Variants in TLN2 observed in about 807,000 individuals in gnomAD.
TLN2 encodes the protein talin-2.
A neutral mutation model predicts 294.7 loss-of-function variants in TLN2; 118 were observed. That is an observed-to-expected ratio of 0.40 (90% CI 0.34 to 0.47). TLN2 has a LOEUF of 0.47. TLN2 is among the 20% of genes least tolerant of loss of function. The pLI is 0.84. For synonymous variants in TLN2, 1,431 were observed against 1,304.5 expected (o/e 1.10, Z -2.09); for missense variants, 3,083 against 3,282.2 (o/e 0.94, Z 1.48).
chr15:62,662,960 A>T (rs1055762273), intron 9 of TLN2, among the ~76,000 whole-genome samples: 49 of 150,924 alleles, frequency 3.2e-4, no homozygotes, highest in African/African-American at 1.0e-3. Flanking sequence ...AGTAACTGGG[A>T]CTACAGGTGC....
rs184431010 is a variant in TLN2, at chr15:62,423,751, T to C, written c.-238+33066T>C. The stretch of plus-strand genomic sequence containing the variant: ...GCCCGCCACCACACCCAGCTAATTT[T>C]TGTATTTTTGTAGAGACTGGGTTTC... On this transcript the variant is annotated intron_variant, in intron 1 of 58. Transcript: ENST00000636159. Among the ~76,000 whole-genome samples, 155 of 152,220 alleles carry C rather than the reference T, an allele frequency of 1.0e-3. 1 individual carries two copies. Among genetic ancestry groups the C allele is most frequent in the African/African-American group, 3.4e-3 (142 of 41,532 alleles).
At chr15:62,657,437 G>A (rs190098436) in intron 8 of TLN2, among the ~76,000 whole-genome samples, 14 of 152,112 alleles carry the variant, frequency 9.2e-5, no homozygotes, top group Admixed American at 6.5e-4. Flanking sequence ...TTGTCTTTTG[G>A]CCTCTTTGAA....
chr15:62,721,179 A>G (rs1196537264), intron 25 of TLN2, among the ~76,000 whole-genome samples: 2 of 152,246 alleles, frequency 1.3e-5, no homozygotes, highest in Non-Finnish European at 1.5e-5. Flanking sequence ...GAAAATAAAT[A>G]GAAATTGAAT....
At chr15:62,735,611 A>T (rs1236402401) in intron 28 of TLN2, among the ~76,000 whole-genome samples, 1 of 152,244 alleles carries the variant, frequency 6.6e-6, no homozygotes, top group Non-Finnish European at 1.5e-5. Flanking sequence ...GAGCAACTGC[A>T]GTTCTTACAG....
intron 1 of TLN2, among the ~76,000 whole-genome samples, chr15:62,391,337 G>T (rs1195233077): frequency 6.6e-6 from 1 of 152,230 alleles, no homozygotes; most frequent in Non-Finnish European, 1.5e-5. Context: ...GCTGAGCGAC[G>T]GGGGCAGTGC....
chr15:62,535,882 A>G (rs566975333), intron 1 of TLN2, among the ~76,000 whole-genome samples: 1 of 152,282 alleles, frequency 6.6e-6, no homozygotes, highest in African/African-American at 2.4e-5. Flanking sequence ...TTAAATTTTC[A>G]TACAATAACT....
intron 3 of TLN2, among the ~76,000 whole-genome samples, chr15:62,620,113 C>G (rs889911049): frequency 2.6e-5 from 4 of 152,092 alleles, no homozygotes; most frequent in Admixed American, 2.0e-4. Flanking sequence ...GTAGCTGGGA[C>G]TACAGCTGGG....
chr15:62,483,477 T>G (rs2038217875), intron 1 of TLN2, among the ~76,000 whole-genome samples: 2 of 152,240 alleles, frequency 1.3e-5, no homozygotes, highest in South Asian at 4.1e-4. Flanking sequence ...TTAAAAATGA[T>G]GTTCTCTATC....
At chr15:62,413,553 A>G (rs2033902244) in intron 1 of TLN2, among the ~76,000 whole-genome samples, 1 of 152,232 alleles carries the variant, frequency 6.6e-6, no homozygotes, top group African/African-American at 2.4e-5. Context: ...GACCTACGGA[A>G]CACAGAACAG....
chr15:62,455,488 A>G, intron 1 of TLN2, among the ~76,000 whole-genome samples: 1 of 152,072 alleles, frequency 6.6e-6, no homozygotes, highest in South Asian at 2.1e-4. Flanking sequence ...ATGGGGAGCA[A>G]TGTTTTTGTT....
chr15:62,755,812 G>A, intron 37 of TLN2, 119 bp downstream of exon 37: 1 of 1,338,500 alleles, frequency 7.5e-7, no homozygotes, highest in South Asian at 1.5e-5. Context: ...TTCTAATTCA[G>A]TCTTATGGTT....
At chr15:62,661,748 TA>T (rs1482030516) in intron 9 of TLN2, among the ~76,000 whole-genome samples, 1 of 152,148 alleles carries the variant, frequency 6.6e-6, no homozygotes, top group East Asian at 1.9e-4. Context: ...GAGAAAAGTT[TA>T]AATGCATTGA....
chr15:62,588,564 G>A (rs1404014021), intron 1 of TLN2, among the ~76,000 whole-genome samples: 4 of 150,278 alleles, frequency 2.7e-5, no homozygotes, highest in East Asian at 4.0e-4. Flanking sequence ...CCCGGAAGGC[G>A]GAGATAACAG....
chr15:62,451,263 T>C (rs574372765), intron 1 of TLN2, among the ~76,000 whole-genome samples: 93 of 152,232 alleles, frequency 6.1e-4, no homozygotes, highest in Non-Finnish European at 1.1e-3. Context: ...GACTGCCCCA[T>C]GTGTCTAGGG....
intron 45 of TLN2, among the ~76,000 whole-genome samples, chr15:62,787,926 A>G (rs1227447917): frequency 2.0e-5 from 3 of 149,270 alleles, no homozygotes; most frequent in East Asian, 4.1e-4. Flanking sequence ...TCCTGGCCTC[A>G]AGTGATCCAC....
At position 62,842,666 on chromosome 15, in the gene TLN2, G is replaced by A. The variant is rs148385455; in HGVS notation, c.*2056G>A. 1 of 152,148 alleles carries A rather than the reference G, an allele frequency of 6.6e-6. No individual in the cohort carries two copies. 9.4% of individuals were successfully genotyped at this position (152,148 alleles called of 1,614,324 possible). A position where few individuals can be genotyped will look rare whatever the true frequency, so the allele number is the denominator to read the frequency against. On this transcript the variant is annotated 3_prime_UTR_variant, in exon 59 of 59. Transcript: ENST00000636159. ...GCCAGTTCTTCCACCTTGCCTCAGA[G>A]TCATTTAAAACCTTTACTGCATTTG...
chr15:62,535,019 G>C (rs2041257921), intron 1 of TLN2, among the ~76,000 whole-genome samples: 1 of 152,156 alleles, frequency 6.6e-6, no homozygotes, highest in Non-Finnish European at 1.5e-5. Context: ...TGAGGGCACA[G>C]GGTTTGTCTG....
chr15:62,625,439 T>A (rs2049196324), intron 3 of TLN2, among the ~76,000 whole-genome samples: 1 of 152,002 alleles, frequency 6.6e-6, no homozygotes, highest in Non-Finnish European at 1.5e-5. Context: ...TCCTTGTAAT[T>A]GAATTAAAGG....
In TLN2 at chr15:62,738,234, C is replaced by T. The variant is rs1200311571; in HGVS notation, c.3588C>T (p.His1196=). ...TTCAGGTGGCTAAAGCCGTCTCACA[C>T]TCCTTGAATAACTGCGTAAATTGCC... ...RLAQVAKAVS[H]SLNNCVNCLP... is the part of the protein sequence containing the mutation. Residue 1196 remains histidine (H), a synonymous_variant, in exon 30 of 59, where the codon CAC becomes CAT. Transcript: ENST00000636159. The T allele has an allele frequency of 1.9e-6, 3 of 1,614,060 alleles. No individual in the cohort carries two copies. Among genetic ancestry groups the T allele is most frequent in the East Asian group, 2.2e-5 (1 of 44,880 alleles).
Sources: allele counts gnomAD v4.1 joint callset (sites outside exome capture counted in the v4.1 genomes callset), GRCh38; gene constraint gnomAD v4.1.1; transcripts MANE v1.5; gene names NCBI Gene and HGNC (gene_info 2026-07-23, HGNC 2026-07-21).